Variants in TAS2R1 observed in about 807,000 individuals in gnomAD.
TAS2R1 encodes taste receptor type 2 member 1.
For synonymous variants in TAS2R1, 141 were observed against 134.2 expected, an observed-to-expected ratio of 1.05 and a Z score of -0.35; for missense variants, 370 against 353.4, an observed-to-expected ratio of 1.05 and a Z score of -0.38.
the TAS2R1 span, among the ~76,000 whole-genome samples, chr5:9,793,019 TAGAA>T: frequency 6.6e-6 from 1 of 152,220 alleles, no homozygotes; most frequent in African/African-American, 2.4e-5. Context: ...TGCATTTTCT[TAGAA>T]AGAATCTTCA....
At chr5:9,639,371 C>A (rs944965170) in intron 2 of TAS2R1, among the ~76,000 whole-genome samples, 51 of 152,180 alleles carry the variant, frequency 3.4e-4, no homozygotes, top group African/African-American at 1.2e-3. Context: ...TAGGTTAAAT[C>A]CTTCTCCTGT....
chr5:9,876,269 G>T, the TAS2R1 span, among the ~76,000 whole-genome samples: 5 of 151,948 alleles, frequency 3.3e-5, no homozygotes, highest in African/African-American at 1.2e-4. Context: ...GTTTAAATAT[G>T]TAGCAATGTC....
chr5:9,770,029 G>T, the TAS2R1 span, among the ~76,000 whole-genome samples: 53,139 of 151,952 alleles, frequency 0.35, 9,972 homozygotes, highest in Admixed American at 0.44. Context: ...ATGTTTTATT[G>T]TAGTAATTTC....
chr5:9,659,381 A>G (rs1367346416), intron 2 of TAS2R1: 1 of 152,146 alleles, frequency 6.6e-6, no homozygotes, highest in Non-Finnish European at 1.5e-5. Context: ...TAGGGAGAAG[A>G]ATGACAGCCC....
the TAS2R1 span, among the ~76,000 whole-genome samples, chr5:9,816,845 T>C: frequency 6.6e-6 from 1 of 152,134 alleles, no homozygotes; most frequent in Admixed American, 6.6e-5. Context: ...ATGATTAAAG[T>C]TGAAGTTTAA....
At chr5:9,807,122 T>G in the TAS2R1 span, among the ~76,000 whole-genome samples, 1 of 151,898 alleles carries the variant, frequency 6.6e-6, no homozygotes, top group Non-Finnish European at 1.5e-5. Flanking sequence ...AAAGAAGATA[T>G]ACAAATGGTC....
intron 1 of TAS2R1, among the ~76,000 whole-genome samples, chr5:9,693,998 T>G (rs776385284): frequency 9.9e-5 from 15 of 152,198 alleles, no homozygotes; most frequent in Non-Finnish European, 2.9e-5. Flanking sequence ...AAAAGTAAAT[T>G]GAGAAGAACG....
chr5:9,653,136 A>G (rs1220574169), intron 2 of TAS2R1, among the ~76,000 whole-genome samples: 1 of 152,176 alleles, frequency 6.6e-6, no homozygotes, highest in Non-Finnish European at 1.5e-5. Context: ...GGAATTATAT[A>G]GTATTTTGCC....
intron 2 of TAS2R1, among the ~76,000 whole-genome samples, chr5:9,655,900 C>T (rs1392773235): frequency 6.6e-6 from 1 of 150,756 alleles, no homozygotes; most frequent in East Asian, 1.9e-4. Flanking sequence ...TTTTCAGAAC[C>T]ACTGATTCTC....
At chr5:9,869,568 A>C in the TAS2R1 span, among the ~76,000 whole-genome samples, 1 of 152,336 alleles carries the variant, frequency 6.6e-6, no homozygotes, top group South Asian at 2.1e-4. Context: ...GCCAAACTAT[A>C]TCAGAGTACC....
chr5:9,783,338 G>A, the TAS2R1 span, among the ~76,000 whole-genome samples: 47 of 152,344 alleles, frequency 3.1e-4, no homozygotes, highest in African/African-American at 1.1e-3. Context: ...GCTGGCCCTT[G>A]AAATGGGAGA....
the TAS2R1 span, among the ~76,000 whole-genome samples, chr5:9,777,758 G>C: frequency 1.3e-5 from 2 of 152,170 alleles, no homozygotes; most frequent in African/African-American, 4.8e-5. Flanking sequence ...AATAAGACTT[G>C]AAAGTCAAAA....
chr5:9,741,250 A>G, the TAS2R1 span, among the ~76,000 whole-genome samples: 1 of 152,202 alleles, frequency 6.6e-6, no homozygotes, highest in Non-Finnish European at 1.5e-5. Context: ...AGGGACTCCC[A>G]GAGATCCGCT....
intron 2 of TAS2R1, among the ~76,000 whole-genome samples, chr5:9,654,296 G>A (rs1740366398): frequency 6.6e-6 from 1 of 151,952 alleles, no homozygotes. Flanking sequence ...AGAAGAATAA[G>A]AATATTTTGT....
chr5:9,779,262 G>A, the TAS2R1 span, among the ~76,000 whole-genome samples: 9 of 152,252 alleles, frequency 5.9e-5, no homozygotes, highest in East Asian at 7.7e-4. Context: ...GCCTTCCACC[G>A]TGAGTAAAAG....
chr5:9,857,310 T>C, the TAS2R1 span, among the ~76,000 whole-genome samples: 1 of 152,204 alleles, frequency 6.6e-6, no homozygotes, highest in African/African-American at 2.4e-5. Context: ...AAAGAAAAGT[T>C]AAACGTTTGA....
intron 2 of TAS2R1, among the ~76,000 whole-genome samples, chr5:9,654,691 G>C (rs1033066616): frequency 6.6e-6 from 1 of 152,192 alleles, no homozygotes; most frequent in Non-Finnish European, 1.5e-5. Context: ...TAAGCCACTA[G>C]AGAAAGATAA....
At chr5:9,791,164 C>A in the TAS2R1 span, among the ~76,000 whole-genome samples, 3 of 152,112 alleles carry the variant, frequency 2.0e-5, no homozygotes, top group Non-Finnish European at 4.4e-5. Context: ...AGTCTTATAG[C>A]TGTGAAGTGC....
the TAS2R1 span, among the ~76,000 whole-genome samples, chr5:9,879,214 C>A: frequency 6.6e-6 from 1 of 152,230 alleles, no homozygotes. Flanking sequence ...AACAAACTGT[C>A]AACATATTTA....
Sources: gnomAD v4.1 joint callset for allele counts (sites outside exome capture counted in the v4.1 genomes callset) on GRCh38, gnomAD v4.1.1 for gene constraint, MANE v1.5 for transcripts, NCBI Gene and HGNC (gene_info 2026-07-23, HGNC 2026-07-21) for gene names.